Variants in FGF12 observed in about 807,000 individuals in gnomAD.
FGF12 encodes the protein fibroblast growth factor 12B.
In FGF12, 14 loss-of-function variants were observed where a neutral mutation model predicts 23.6. The observed-to-expected ratio is 0.59, with a 90% CI of 0.39 to 0.93. The LOEUF is 0.93. Ranked by LOEUF, FGF12 falls within the 40% of genes least tolerant of loss-of-function variation. The pLI is 0.00. For synonymous variants in FGF12, 62 were observed against 77.3 expected (o/e 0.80, Z 1.04); for missense variants, 175 against 217.8 (o/e 0.80, Z 1.24).
intron 4 of FGF12, among the ~76,000 whole-genome samples, chr3:192,221,182 T>G (rs1168647018): frequency 6.6e-6 from 1 of 152,202 alleles, no homozygotes; most frequent in African/African-American, 2.4e-5. Flanking sequence ...TTGGGTGACC[T>G]TTTCTGTTTG....
At chr3:192,641,449 G>T (rs1349481697) in intron 2 of FGF12, among the ~76,000 whole-genome samples, 4 of 142,142 alleles carry the variant, frequency 2.8e-5, no homozygotes, top group African/African-American at 1.1e-4. Context: ...TTGTTGCACA[G>T]GCTGGAGTGC....
At chr3:192,378,754 C>T (rs1719684073) in intron 2 of FGF12, among the ~76,000 whole-genome samples, 1 of 151,802 alleles carries the variant, frequency 6.6e-6, no homozygotes. Flanking sequence ...TGGGCTATAT[C>T]TATATTTTAA....
At chr3:192,331,189 C>T in intron 4 of FGF12, among the ~76,000 whole-genome samples, 1 of 151,458 alleles carries the variant, frequency 6.6e-6, no homozygotes, top group Non-Finnish European at 1.5e-5. Flanking sequence ...AGGATGGCCA[C>T]TATCAAAAGA....
intron 4 of FGF12, among the ~76,000 whole-genome samples, chr3:192,210,340 G>A (rs1300877801): frequency 1.3e-5 from 2 of 152,122 alleles, no homozygotes; most frequent in Non-Finnish European, 2.9e-5. Context: ...ACCTGCATAT[G>A]TGTGAGAGGA....
At chr3:192,681,348 T>C (rs1717519794) in intron 2 of FGF12, among the ~76,000 whole-genome samples, 3 of 152,166 alleles carry the variant, frequency 2.0e-5, no homozygotes, top group Non-Finnish European at 4.4e-5. Flanking sequence ...ATGTAGATTG[T>C]GGTGTCATTT....
chr3:192,457,350 C>G (rs917236500), intron 2 of FGF12, among the ~76,000 whole-genome samples: 2 of 152,100 alleles, frequency 1.3e-5, no homozygotes, highest in Admixed American at 6.5e-5. Flanking sequence ...CAGAAGAAGA[C>G]AGGAAAATGT....
At chr3:192,494,924 G>GA (rs1723904838) in intron 2 of FGF12, among the ~76,000 whole-genome samples, 2 of 152,100 alleles carry the variant, frequency 1.3e-5, no homozygotes, top group Admixed American at 1.3e-4. Context: ...GCAGTGGCAC[G>GA]ATCTCAGCTC....
chr3:192,536,214 G>A (rs1001846190), intron 2 of FGF12, among the ~76,000 whole-genome samples: 1 of 152,150 alleles, frequency 6.6e-6, no homozygotes, highest in African/African-American at 2.4e-5. Flanking sequence ...GTCTATGACT[G>A]TTTCAGGCTA....
intron 2 of FGF12, among the ~76,000 whole-genome samples, chr3:192,710,619 C>A (rs960680285): frequency 2.0e-5 from 3 of 152,122 alleles, no homozygotes; most frequent in Non-Finnish European, 4.4e-5. Context: ...TAGAAGTGAG[C>A]TGAAGGAGAA....
At chr3:192,396,601 C>T (rs541148535) in intron 2 of FGF12, among the ~76,000 whole-genome samples, 3 of 152,280 alleles carry the variant, frequency 2.0e-5, no homozygotes, top group South Asian at 2.1e-4. Context: ...TTGTAATGAG[C>T]TCTGTTTTCC....
chr3:192,656,282 C>G (rs1432384355), intron 2 of FGF12, among the ~76,000 whole-genome samples: 1 of 29,778 alleles, frequency 3.4e-5, no homozygotes, highest in Non-Finnish European at 5.0e-5. Context: ...GGTGAAAAGA[C>G]ACACACACAC....
At chr3:192,622,237 A>G (rs1022600009) in intron 2 of FGF12, among the ~76,000 whole-genome samples, 5 of 152,208 alleles carry the variant, frequency 3.3e-5, no homozygotes, top group African/African-American at 1.2e-4. Context: ...GTCCAAAGGG[A>G]AAGAAAGAGA....
At chr3:192,552,276 C>T (rs1358070988) in intron 2 of FGF12, among the ~76,000 whole-genome samples, 1 of 151,554 alleles carries the variant, frequency 6.6e-6, no homozygotes, top group East Asian at 1.9e-4. Flanking sequence ...CCTGGTACCT[C>T]AGAAAATTCA....
chr3:192,673,508 T>A (rs942893240), intron 2 of FGF12, among the ~76,000 whole-genome samples: 5 of 150,828 alleles, frequency 3.3e-5, no homozygotes, highest in African/African-American at 1.2e-4. Flanking sequence ...AAGCCCCCCA[T>A]GCATTAGCCA....
chr3:192,454,335 C>A (rs1722616296), intron 2 of FGF12, among the ~76,000 whole-genome samples: 2 of 152,144 alleles, frequency 1.3e-5, no homozygotes, highest in Admixed American at 6.5e-5. Flanking sequence ...ACTGCGCCAG[C>A]CTACATCTCT....
rs184165660 is a variant in FGF12 at position 192,321,850 on chromosome 3, C to T, written c.228+13511G>A. Among the ~76,000 whole-genome samples the T allele has an allele frequency of 5.9e-5, 9 of 152,188 alleles. No individual in the cohort carries two copies. In the East Asian group the frequency reaches 1.7e-3, roughly 29 times the overall value. On this transcript the variant is annotated intron_variant, in intron 4 of 5. Coordinates refer to ENST00000445105, the MANE Select transcript of FGF12 (RefSeq NM_004113.6). ...ATAAAAGCCATACATCGCAGACCCA[C>T]AGCTGGTATCATACTGAACAAGGAA...
intron 4 of FGF12, among the ~76,000 whole-genome samples, chr3:192,175,520 C>T (rs1227507263): frequency 6.6e-6 from 1 of 152,188 alleles, no homozygotes; most frequent in African/African-American, 2.4e-5. Flanking sequence ...CTTCCACTCA[C>T]TTTGACTTCA....
intron 2 of FGF12, among the ~76,000 whole-genome samples, chr3:192,708,873 G>A (rs1718574296): frequency 6.6e-6 from 1 of 152,168 alleles, no homozygotes; most frequent in African/African-American, 2.4e-5. Flanking sequence ...CTTTGAATGA[G>A]TAATGTAATT....
chr3:192,356,383 T>C (rs1168458004), intron 3 of FGF12, among the ~76,000 whole-genome samples: 1 of 152,226 alleles, frequency 6.6e-6, no homozygotes. Flanking sequence ...TTTGTTGTTT[T>C]CTCCCTAGCG....
Sources: allele counts gnomAD v4.1 joint callset (sites outside exome capture counted in the v4.1 genomes callset), GRCh38; gene constraint gnomAD v4.1.1; transcripts MANE v1.5; gene names NCBI Gene and HGNC (gene_info 2026-07-23, HGNC 2026-07-21).